TCF20: variants seen among roughly 807,000 people sequenced by gnomAD.
TCF20 encodes SPRE-binding protein.
TCF20 carries 3 observed loss-of-function variants against 148.6 expected under a neutral mutation model. The observed-to-expected ratio is 0.02, with a 90% CI of 0.01 to 0.05. The LOEUF (loss-of-function observed/expected upper bound fraction) is 0.05, where lower values mean the gene tolerates loss of function less well. Ranked by LOEUF, TCF20 falls within the 10% of genes least tolerant of loss-of-function variation. TCF20 has a pLI of 1.00. For missense variants in TCF20, 2,350 were observed against 2,429.3 expected (o/e 0.97, Z 0.69); for synonymous variants, 1,049 against 909.5 (o/e 1.15, Z -2.76).
upstream of TCF20, chr22:42,275,168 G>T (rs1238243085): frequency 6.6e-6 from 1 of 152,294 alleles, no homozygotes. Context: ...CCAAAAGTCT[G>T]CAGGCCGATA....
At chr22:42,227,958 T>C (rs1336424734) in intron 1 of TCF20, among the ~76,000 whole-genome samples, 1 of 152,234 alleles carries the variant, frequency 6.6e-6, no homozygotes, top group African/African-American at 2.4e-5. Flanking sequence ...ATTCTGCATG[T>C]TAACAAGGTC....
rs1391708587 is a variant in TCF20 at position 42,338,750 on chromosome 22, C to T, written c.-37+4729G>A. Among the ~76,000 whole-genome samples, 5 of 152,212 alleles carry T rather than the reference C, an allele frequency of 3.3e-5. No individual in the cohort carries two copies. The highest frequency in any genetic ancestry group is 4.4e-5 in the Non-Finnish European group (3 of 68,038). ...CCTCTTCATCATCTGCCTCTCAACA[C>T]GTGACTTTCAAAGGGCAATCTTAAT... On this transcript the variant is annotated intron_variant, in intron 1 of 1. Transcript: ENST00000515426. This position sits in a 1 kb window ranked among gnomAD's most constrained non-coding sequence, Gnocchi z 4.0.
At chr22:42,293,529 G>A (rs1364996679) in intron 1 of TCF20, among the ~76,000 whole-genome samples, 1 of 152,160 alleles carries the variant, frequency 6.6e-6, no homozygotes, top group Non-Finnish European at 1.5e-5. Context: ...CTCAGCCAAG[G>A]TCACAGAGCT....
chr22:42,213,537 G>A lies in TCF20; in HGVS notation c.1769C>T (p.Pro590Leu), dbSNP rs779125584. 2.9e-5 allele frequency: 47 copies of A among 1,614,058 alleles called. No individual in the cohort carries two copies. Among genetic ancestry groups the A allele is most frequent in the Middle Eastern group, 3.3e-4 (2 of 6,084 alleles). The change falls in exon 2 of 6, where the codon CCA becomes CTA. Residue 590 changes from proline (P) to leucine (L), a missense_variant. Pro to Leu is a moderately conservative substitution (Grantham distance 98). Transcript: ENST00000677622. ...CTTTGGGTTCCCGTCGGATGACAATGGCATGTCCTTAGCGCCTGGTGAGGT... is the reference window on the plus strand; with the variant it reads ...CTTTGGGTTCCCGTCGGATGACAATAGCATGTCCTTAGCGCCTGGTGAGGT... ...EATSPGAKDM[P>L]LSSDGNPKVN...
intron 1 of TCF20, among the ~76,000 whole-genome samples, chr22:42,335,802 G>A (rs996441475): frequency 2.0e-5 from 3 of 152,096 alleles, no homozygotes; most frequent in East Asian, 3.9e-4. Context: ...AGCCCTTCAG[G>A]GTGCCAGCTC....
intron 1 of TCF20, among the ~76,000 whole-genome samples, chr22:42,239,087 C>T (rs1028196742): frequency 6.6e-6 from 1 of 151,836 alleles, no homozygotes; most frequent in Non-Finnish European, 1.5e-5. Context: ...CACTGCACTC[C>T]AGCCTGGGCG....
intron 3 of TCF20, among the ~76,000 whole-genome samples, chr22:42,176,352 T>G (rs1936450330): frequency 7.0e-6 from 1 of 143,028 alleles, no homozygotes; most frequent in South Asian, 2.4e-4. Flanking sequence ...AGTCAGGAGC[T>G]GCAAGCAACT....
Position 42,323,852 on chromosome 22 carries a change from T to TGGAGGTTATGGTGGTGGAGGTGGTGGC in TCF20, c.-37+19626_-37+19627insGCCACCACCTCCACCACCATAACCTCC, listed in dbSNP as rs1927780958. On this transcript the variant is annotated intron_variant, in intron 1 of 1. Transcript: ENST00000515426. ...GTGGTCGCGGTGGTGGTAGTGGTGATGGAGGTTATGGTGGTGGTGGTGGTG... is the reference window on the plus strand; with the variant it reads ...GTGGTCGCGGTGGTGGTAGTGGTGATGGAGGTTATGGTGGTGGAGGTGGTGGCGGAGGTTATGGTGGTGGTGGTGGTG... Among the ~76,000 whole-genome samples, 6 of 144,458 alleles carry TGGAGGTTATGGTGGTGGAGGTGGTGGC rather than the reference T, an allele frequency of 4.2e-5. 2 individuals are homozygous for TGGAGGTTATGGTGGTGGAGGTGGTGGC. Among genetic ancestry groups the TGGAGGTTATGGTGGTGGAGGTGGTGGC allele is most frequent in the Non-Finnish European group, 7.8e-5 (5 of 64,270 alleles). 94.8% of individuals were successfully genotyped at this position (144,458 alleles called of 152,430 possible). A position where few individuals can be genotyped will look rare whatever the true frequency, so the allele number is the denominator to read the frequency against.
chr22:42,229,805 C>G (rs1193780616), intron 1 of TCF20, among the ~76,000 whole-genome samples: 1 of 152,170 alleles, frequency 6.6e-6, no homozygotes, highest in Non-Finnish European at 1.5e-5. Context: ...TTGCCTTCCC[C>G]AAACAGCTAC....
At position 42,214,136 on chromosome 22, in the gene TCF20, C is replaced by T. The variant is rs768220211; in HGVS notation, c.1170G>A (p.Met390Ile). The change falls in exon 2 of 6, where the codon ATG (methionine) becomes ATA (isoleucine). Residue 390 changes from methionine to isoleucine, a missense_variant. Met to Ile is a conservative substitution (Grantham distance 10). Around this residue, in one of 7 missense-constraint regions of TCF20, gnomAD observed 1,641 missense variants for 1,662.6 expected, o/e 0.99. Coordinates refer to ENST00000677622, the MANE Select transcript of TCF20 (RefSeq NM_001378418.1). ...CACACTGGAGATTCTCCCCAGTCTG[C>T]ATGAGAGGAGATGGGGTAGAACTAC... Reference protein sequence around the residue: ...PSCSSTPSPLMQTGENLQCGQ... With the variant: ...PSCSSTPSPLIQTGENLQCGQ... 1.9e-6 allele frequency: 3 copies of T among 1,614,204 alleles called. No homozygotes were observed. The highest frequency in any genetic ancestry group is 1.1e-5 in the South Asian group (1 of 91,090).
At chr22:42,286,949 C>T (rs535304064), upstream of TCF20, among the ~76,000 whole-genome samples, 7 of 152,078 alleles carry the variant, frequency 4.6e-5, no homozygotes, top group Non-Finnish European at 1.0e-4. Context: ...GGTGGGATCC[C>T]AGGCCAGGAG....
At chr22:42,259,342 G>T (rs73887979) in intron 1 of TCF20, among the ~76,000 whole-genome samples, 542 of 152,258 alleles carry the variant, frequency 3.6e-3, no homozygotes, top group African/African-American at 0.013. Flanking sequence ...TTACTAGCAG[G>T]AGATGCCCAT....
rs1048673839 is a variant in TCF20 at position 42,299,597 on chromosome 22, C to A, written c.-37+43882G>T. Among the ~76,000 whole-genome samples the A allele has an allele frequency of 6.6e-6, 1 of 152,182 alleles. No homozygotes were observed. The highest frequency in any genetic ancestry group is 2.4e-5 in the African/African-American group (1 of 41,452). On this transcript the variant is annotated intron_variant, in intron 1 of 1. Transcript: ENST00000515426. This position sits in a 1 kb window ranked among gnomAD's most constrained non-coding sequence, Gnocchi z 4.1. ...TCCCACTGGTCACCAGTCCCTCTTGCCTTTCTGTCCCAGCTAGCAGCTCTC... is the reference window on the plus strand; with the variant it reads ...TCCCACTGGTCACCAGTCCCTCTTGACTTTCTGTCCCAGCTAGCAGCTCTC...
Position 42,213,945 on chromosome 22 carries a change from C to T in TCF20, c.1361G>A (p.Ser454Asn). The T allele has an allele frequency of 6.2e-7, 1 of 1,614,194 alleles. No homozygotes were observed. Among genetic ancestry groups the T allele is most frequent in the Non-Finnish European group, 8.5e-7 (1 of 1,180,020 alleles). ...PEKRLTDPGL[S>N]SLSALSTQVA... Reference sequence around the variant, plus strand: ...TTGAGTACTCAGAGCACTCAAACTACTCAACCCAGGATCTGTCAGTCGCTT... The same window carrying T: ...TTGAGTACTCAGAGCACTCAAACTATTCAACCCAGGATCTGTCAGTCGCTT... Residue 454 changes from serine (S) to asparagine (N), a missense_variant, in exon 2 of 6, where the codon AGT (serine) becomes AAT (asparagine). Around this residue, in one of 7 missense-constraint regions of TCF20, gnomAD observed 1,641 missense variants for 1,662.6 expected, o/e 0.99. Transcript: ENST00000677622.
At chr22:42,288,413 G>A (rs1035721859), upstream of TCF20, among the ~76,000 whole-genome samples, 1 of 151,902 alleles carries the variant, frequency 6.6e-6, no homozygotes, top group African/African-American at 2.4e-5. Flanking sequence ...GCACATGCCT[G>A]TAGTCCCAGC....
At chr22:42,246,811 C>G (rs1924949322) in intron 1 of TCF20, among the ~76,000 whole-genome samples, 2 of 150,992 alleles carry the variant, frequency 1.3e-5, no homozygotes, top group Middle Eastern at 3.4e-3. Context: ...ACCAAAAATA[C>G]AAAAATTAGC....
chr22:42,174,893 G>C (rs1936351302), intron 3 of TCF20, among the ~76,000 whole-genome samples: 1 of 151,960 alleles, frequency 6.6e-6, no homozygotes. Flanking sequence ...AAATTAGCCG[G>C]GCGTGGCGGC....
intron 3 of TCF20, among the ~76,000 whole-genome samples, chr22:42,175,281 T>C (rs1936384168): frequency 6.6e-6 from 1 of 152,200 alleles, no homozygotes; most frequent in South Asian, 2.1e-4. Context: ...TCCTCTAGCC[T>C]CAGCCTCCCG....
chr22:42,213,134 A>G lies in TCF20; in HGVS notation c.2172T>C (p.Phe724=). 6.2e-7 allele frequency: 1 copy of G among 1,614,192 alleles called. No homozygotes were observed. Among genetic ancestry groups the G allele is most frequent in the Non-Finnish European group, 8.5e-7 (1 of 1,180,032 alleles). ...GSAVPRNVSG[F]PQYPTGQEKG... Reference sequence around the variant, plus strand: ...TTTCTTGCCCTGTAGGATACTGAGGAAAGCCACTGACATTTCGTGGCACGG... The same window carrying G: ...TTTCTTGCCCTGTAGGATACTGAGGGAAGCCACTGACATTTCGTGGCACGG... Residue 724 remains phenylalanine (F), a synonymous_variant, in exon 2 of 6, where the codon TTT becomes TTC. Coordinates refer to ENST00000677622, the MANE Select transcript of TCF20 (RefSeq NM_001378418.1).
Sources: allele counts gnomAD v4.1 joint callset (sites outside exome capture counted in the v4.1 genomes callset), GRCh38; gene constraint gnomAD v4.1.1; regional missense constraint gnomAD v4.1.1; non-coding constraint Gnocchi (gnomAD v3.1); transcripts MANE v1.5; gene names NCBI Gene and HGNC (gene_info 2026-07-23, HGNC 2026-07-21).